The following SNTG1 variants were observed in gnomAD, a reference collection of about 807,000 sequenced individuals.
SNTG1 encodes syntrophin gamma 1.
Under a neutral mutation model 74.7 loss-of-function variants are expected in SNTG1, and 39 were observed. That is an observed-to-expected ratio of 0.52 (90% CI 0.40 to 0.68). The LOEUF (loss-of-function observed/expected upper bound fraction) is 0.68, where lower values mean the gene tolerates loss of function less well. Among genes scored for constraint, SNTG1 ranks in the 30% least tolerant of loss-of-function variants. SNTG1 has a pLI of 0.00. For missense variants in SNTG1, 685 were observed against 609.5 expected (o/e 1.12, Z -1.30); for synonymous variants, 254 against 217.1 (o/e 1.17, Z -1.49).
At chr8:50,153,744 G>T (rs1236167381) in intron 1 of SNTG1, among the ~76,000 whole-genome samples, 2 of 152,166 alleles carry the variant, frequency 1.3e-5, no homozygotes, top group Non-Finnish European at 2.9e-5. Context: ...AAATGTTGCT[G>T]CCAGATCGTT....
chr8:50,475,656 C>A (rs1400497215), intron 8 of SNTG1, among the ~76,000 whole-genome samples: 3 of 152,146 alleles, frequency 2.0e-5, no homozygotes, highest in Admixed American at 1.3e-4. Context: ...CTGTCTTTCA[C>A]ACCATGGTTT....
intron 2 of SNTG1, among the ~76,000 whole-genome samples, chr8:50,359,778 A>C (rs2091910785): frequency 6.6e-6 from 1 of 152,208 alleles, no homozygotes; most frequent in Non-Finnish European, 1.5e-5. Context: ...AAGGATAAAG[A>C]TTAATACTAT....
chr8:50,190,576 G>A (rs2083535746), intron 2 of SNTG1, among the ~76,000 whole-genome samples: 1 of 152,110 alleles, frequency 6.6e-6, no homozygotes, highest in South Asian at 2.1e-4. Context: ...CATCACACTG[G>A]TGTTCTTTTC....
intron 1 of SNTG1, among the ~76,000 whole-genome samples, chr8:50,118,734 G>A (rs1333505606): frequency 3.5e-5 from 5 of 142,414 alleles, no homozygotes; most frequent in Non-Finnish European, 7.8e-5. Flanking sequence ...AAATTAAAGT[G>A]TATTCTTAAA....
chr8:50,715,670 G>A (rs995540819), intron 17 of SNTG1, among the ~76,000 whole-genome samples: 6 of 152,000 alleles, frequency 3.9e-5, no homozygotes, highest in Admixed American at 6.6e-5. Context: ...TACATTAAAA[G>A]CATTGTTATG....
chr8:50,637,720 T>G (rs1347573151), intron 13 of SNTG1, among the ~76,000 whole-genome samples: 1 of 152,100 alleles, frequency 6.6e-6, no homozygotes, highest in Admixed American at 6.6e-5. Context: ...ATAATTTGAA[T>G]TGTTTACGAA....
intron 2 of SNTG1, among the ~76,000 whole-genome samples, chr8:50,285,938 A>G (rs80060716): frequency 0.07 from 10,575 of 152,116 alleles, 408 homozygotes; most frequent in African/African-American, 0.085. Context: ...TTCATCAATA[A>G]CATGCTACTT....
intron 1 of SNTG1, among the ~76,000 whole-genome samples, chr8:50,029,115 G>T (rs1045212556): frequency 6.6e-6 from 1 of 151,636 alleles, no homozygotes; most frequent in Admixed American, 6.6e-5. Flanking sequence ...AAAAAAGATG[G>T]AGTCCATTTT....
intron 17 of SNTG1, among the ~76,000 whole-genome samples, chr8:50,739,428 G>A (rs1257399415): frequency 1.3e-5 from 2 of 152,084 alleles, no homozygotes; most frequent in Admixed American, 6.6e-5. Flanking sequence ...TGCTGAAGAG[G>A]ATGTGGAGAA....
chr8:50,019,550 A>C (rs1343305825), intron 1 of SNTG1, among the ~76,000 whole-genome samples: 1 of 152,098 alleles, frequency 6.6e-6, no homozygotes, highest in Non-Finnish European at 1.5e-5. Flanking sequence ...CTATTAATGC[A>C]TCTGTTCATC....
chr8:49,931,985 A>G (rs1389051276), intron 1 of SNTG1, among the ~76,000 whole-genome samples: 2 of 152,224 alleles, frequency 1.3e-5, no homozygotes, highest in Non-Finnish European at 2.9e-5. Flanking sequence ...CTTTAAACAC[A>G]TAAAAGTATA....
intron 13 of SNTG1, among the ~76,000 whole-genome samples, chr8:50,635,747 AATCAGAG>A (rs543289137): frequency 5.3e-5 from 8 of 152,284 alleles, no homozygotes; most frequent in African/African-American, 1.9e-4. Context: ...CAAGGCCTAT[AATCAGAG>A]ATCCCATGAG....
At chr8:50,182,780 A>C (rs2083251677) in intron 2 of SNTG1, among the ~76,000 whole-genome samples, 1 of 152,108 alleles carries the variant, frequency 6.6e-6, no homozygotes, top group South Asian at 2.1e-4. Context: ...TGCAAGCACA[A>C]GTGACCAGCT....
intron 17 of SNTG1, among the ~76,000 whole-genome samples, chr8:50,717,358 G>T (rs1386620814): frequency 6.6e-6 from 1 of 151,818 alleles, no homozygotes; most frequent in African/African-American, 2.4e-5. Context: ...TATCATTTTT[G>T]ATTTCCATAA....
At chr8:50,771,034 C>T (rs890864102) in intron 18 of SNTG1, among the ~76,000 whole-genome samples, 1 of 152,032 alleles carries the variant, frequency 6.6e-6, no homozygotes, top group Non-Finnish European at 1.5e-5. Context: ...GCTGTTATAG[C>T]AACACAAATG....
At chr8:50,043,778 G>A (rs1323378222) in intron 1 of SNTG1, among the ~76,000 whole-genome samples, 1 of 152,152 alleles carries the variant, frequency 6.6e-6, no homozygotes, top group Non-Finnish European at 1.5e-5. Context: ...ACAACATAGG[G>A]AGATAAGCAC....
chr8:50,326,920 T>G (rs1382137803), intron 2 of SNTG1, among the ~76,000 whole-genome samples: 1 of 152,172 alleles, frequency 6.6e-6, no homozygotes, highest in Non-Finnish European at 1.5e-5. Flanking sequence ...GAAATATTTT[T>G]AATATCTTTT....
At chr8:50,376,744 T>TAG (rs1366560448) in intron 2 of SNTG1, among the ~76,000 whole-genome samples, 21 of 112,882 alleles carry the variant, frequency 1.9e-4, no homozygotes, top group East Asian at 9.9e-4. Context: ...TATATATATA[T>TAG]ATATATATAT....
At chr8:49,944,280 G>A (rs1808957583) in intron 1 of SNTG1, among the ~76,000 whole-genome samples, 1 of 152,100 alleles carries the variant, frequency 6.6e-6, no homozygotes, top group Non-Finnish European at 1.5e-5. Context: ...TCTGTAGGCT[G>A]TAGGGTGTGA....
Sources: allele counts gnomAD v4.1 joint callset (sites outside exome capture counted in the v4.1 genomes callset), GRCh38; gene constraint gnomAD v4.1.1; transcripts MANE v1.5; gene names NCBI Gene and HGNC (gene_info 2026-07-23, HGNC 2026-07-21).